ZZEF1: variants seen among roughly 807,000 people sequenced by gnomAD.
The protein encoded by ZZEF1 is zinc finger ZZ-type and EF-hand domain containing 1.
ZZEF1 carries 157 observed loss-of-function variants against 342.8 expected under a neutral mutation model. The observed-to-expected ratio is 0.46, with a 90% CI of 0.40 to 0.52. The LOEUF is 0.52. Ranked by LOEUF, ZZEF1 falls within the 20% of genes least tolerant of loss-of-function variation. The probability of loss-of-function intolerance (pLI) is 0.00; values close to 1 mark genes in which losing one functional copy is unlikely to be tolerated. For missense variants in ZZEF1, 3,480 were observed against 3,725.6 expected, an observed-to-expected ratio of 0.93 and a Z score of 1.72; for synonymous variants, 1,505 against 1,429.1, an observed-to-expected ratio of 1.05 and a Z score of -1.20.
In ZZEF1 at chr17:4,014,659, A is replaced by G. The variant is rs2056054399; in HGVS notation, c.8146-144T>C. The G allele has an allele frequency of 3.5e-6, 3 of 860,128 alleles. No individual in the cohort carries two copies. The highest frequency in any genetic ancestry group is 4.4e-5 in the Admixed American group (2 of 45,958). The allele number at this position is 860,128 out of a possible 1,614,324, so 53.3% of individuals were successfully genotyped here. The stretch of plus-strand genomic sequence containing the variant: ...CCTGGCCTCCAGGAGTGCAGAGTCC[A>G]GCTAGGGCGAGGAGCATGCACAGAC... On this transcript the variant is annotated intron_variant, in intron 49 of 54. Transcript: ENST00000381638. This position sits in a 1 kb window ranked among gnomAD's most constrained non-coding sequence, Gnocchi z 4.4.
chr17:4,014,187 T>C lies in ZZEF1; in HGVS notation c.8316A>G (p.Gly2772=). Residue 2772 remains glycine, a splice_region_variant and synonymous_variant, in exon 51 of 55, where the codon GGA becomes GGG. Transcript: ENST00000381638. This position sits in a 1 kb window ranked among gnomAD's most constrained non-coding sequence, Gnocchi z 4.4. ...AGGTGAAGCGGTAATACAGAGTGTC[T>C]CCTAGGCACACAAGGATCAGAGGCC... ...QQKWKDFELP[G]DTLYYRFTSD... 6.2e-7 allele frequency: 1 copy of C among 1,614,064 alleles called. No homozygotes were observed. The highest frequency in any genetic ancestry group is 8.5e-7 in the Non-Finnish European group (1 of 1,179,992).
intron 11 of ZZEF1, among the ~76,000 whole-genome samples, chr17:4,092,186 G>C (rs2057957606): frequency 6.6e-6 from 1 of 151,646 alleles, no homozygotes; most frequent in Non-Finnish European, 1.5e-5. Context: ...GTGATATATA[G>C]CCACCAAGCT....
chr17:4,102,260 C>T, intron 9 of ZZEF1, 57 bp downstream of exon 9: 2 of 1,488,434 alleles, frequency 1.3e-6, no homozygotes, highest in African/African-American at 2.8e-5. Context: ...AGTGTGCTTT[C>T]ACACAGCTGA....
At chr17:4,009,147 T>A in intron 53 of ZZEF1, 193 bp from the exon 54 acceptor site, 1 of 668,814 alleles carries the variant, frequency 1.5e-6, no homozygotes, top group Non-Finnish European at 2.5e-6. Flanking sequence ...CGGGGTCACC[T>A]TTGCCTCCAC....
At chr17:4,030,977 G>A (rs763012020) in intron 42 of ZZEF1, among the ~76,000 whole-genome samples, 1 of 152,242 alleles carries the variant, frequency 6.6e-6, no homozygotes, top group Middle Eastern at 3.4e-3. Context: ...TCGGGAGTTT[G>A]AGACCAGCCT....
At chr17:4,019,792 G>C (rs1211046468) in intron 45 of ZZEF1, 23 bp from the exon 46 acceptor site, 1 of 1,571,184 alleles carries the variant, frequency 6.4e-7, no homozygotes, top group African/African-American at 1.4e-5. Flanking sequence ...GGAGGACGCA[G>C]ACAAGAACCA....
rs1042625242 is a variant in ZZEF1 at position 4,071,021 on chromosome 17, C to G, written c.3835-97G>C. On this transcript the variant is annotated intron_variant, in intron 25 of 54. Transcript: ENST00000381638. Reference sequence around the variant, plus strand: ...TAGGCCAAAGCAGAAGTATAAAACACAGTGAACACTCTCCGGAAGTTTAAA... The same window carrying G: ...TAGGCCAAAGCAGAAGTATAAAACAGAGTGAACACTCTCCGGAAGTTTAAA... The G allele has an allele frequency of 2.2e-6, 3 of 1,381,148 alleles. No homozygotes were observed. The African/African-American group carries it at 4.3e-5, about 20-fold the overall frequency. The allele number at this position is 1,381,148 out of a possible 1,614,324, so 85.6% of individuals were successfully genotyped here.
intron 14 of ZZEF1, among the ~76,000 whole-genome samples, chr17:4,086,907 G>A (rs34377654): frequency 0.17 from 26,387 of 152,066 alleles, 2,365 homozygotes; most frequent in African/African-American, 0.2. Context: ...TGTTGAGACC[G>A]AGTCTCACTC....
At position 4,017,077 on chromosome 17, in the gene ZZEF1, G is replaced by A. The variant is rs1454458534; in HGVS notation, c.8001+294C>T. ...TGTGTGTGTGTGAAGGTGGGTGAGG[G>A]ACAGGATCAAAAAGGAGCTACCGAA... On this transcript the variant is annotated intron_variant, in intron 48 of 54. Transcript: ENST00000381638. This position sits in a 1 kb window ranked among gnomAD's most constrained non-coding sequence, Gnocchi z 5.1. The A allele has an allele frequency of 1.9e-5, 7 of 377,348 alleles. No homozygotes were observed. In the East Asian group the frequency reaches 2.1e-4, roughly 11 times the overall value. 23.4% of individuals were successfully genotyped at this position (377,348 alleles called of 1,614,324 possible).
Position 4,006,982 on chromosome 17 carries a change from A to C in ZZEF1, c.8806-12T>G, listed in dbSNP as rs1567753456. On this transcript the variant is annotated splice_polypyrimidine_tract_variant and intron_variant, in intron 54 of 54. Transcript: ENST00000381638. ...ATGTTCTGCAGAGCCTGTAGAGGGA[A>C]AAAGAGTTGTCGCCAATGTCGGGAG... The C allele has an allele frequency of 1.9e-6, 3 of 1,576,536 alleles. No individual in the cohort carries two copies. The highest frequency in any genetic ancestry group is 2.6e-6 in the Non-Finnish European group (3 of 1,159,722).
intron 3 of ZZEF1, among the ~76,000 whole-genome samples, 192 bp from the exon 4 acceptor site, chr17:4,114,662 T>C (rs1327238180): frequency 6.6e-6 from 1 of 152,206 alleles, no homozygotes; most frequent in Non-Finnish European, 1.5e-5. Flanking sequence ...ATGTGTCAAA[T>C]ATGCCTCCCT....
In ZZEF1 at chr17:4,022,697, C is replaced by T; in HGVS notation, c.7212+12G>A. The T allele has an allele frequency of 6.2e-7, 1 of 1,613,680 alleles. No individual in the cohort carries two copies. Among genetic ancestry groups the T allele is most frequent in the South Asian group, 1.1e-5 (1 of 91,064 alleles). On this transcript the variant is annotated intron_variant, in intron 44 of 54. Transcript: ENST00000381638. ...CCAGGAAAGAGGAGCAGGAGTCCCT[C>T]TCGTCTCTTACTTCCAGGTCCCGGA...
chr17:4,090,668 A>G lies in ZZEF1; in HGVS notation c.2025+51T>C. 4 of 1,481,990 alleles carry G rather than the reference A, an allele frequency of 2.7e-6. No individual in the cohort carries two copies. In the South Asian group the frequency reaches 4.5e-5, roughly 17 times the overall value. The allele number at this position is 1,481,990 out of a possible 1,614,324, so 91.8% of individuals were successfully genotyped here. On this transcript the variant is annotated intron_variant, in intron 12 of 54. Transcript: ENST00000381638. ...GGGCTGATACACAATCACTACTCAA[A>G]AAACACAGAATAAAAGGAGGGGAGT...
intron 25 of ZZEF1, among the ~76,000 whole-genome samples, chr17:4,071,758 G>C (rs1319810048): frequency 6.6e-6 from 1 of 152,128 alleles, no homozygotes; most frequent in African/African-American, 2.4e-5. Flanking sequence ...TGAGTTAAGG[G>C]GAGTCAGGAC....
chr17:4,016,368 T>C lies in ZZEF1; in HGVS notation c.8100A>G (p.Gln2700=), dbSNP rs763625661. 1 of 1,614,134 alleles carries C rather than the reference T, an allele frequency of 6.2e-7. No homozygotes were observed. Among genetic ancestry groups the C allele is most frequent in the Admixed American group, 1.7e-5 (1 of 60,024 alleles). ...TATACGGGTGTTTCGACTCCCTCAC[T>C]TGCACCTCCATTCCTGGCTCCTCCA... is the stretch of plus-strand genomic sequence containing the variant. ...QFMEEPGMEV[Q]VRESKHPYNN... Residue 2700 remains glutamine, a synonymous_variant, in exon 49 of 55, where the codon CAA becomes CAG. Coordinates refer to ENST00000381638, the MANE Select transcript of ZZEF1 (RefSeq NM_015113.4). This position sits in a 1 kb window ranked among gnomAD's most constrained non-coding sequence, Gnocchi z 4.4.
At chr17:4,082,587 AC>A (rs2057745060) in intron 16 of ZZEF1, 83 bp from the exon 17 acceptor site, 1 of 1,281,878 alleles carries the variant, frequency 7.8e-7, no homozygotes, top group East Asian at 2.5e-5. Flanking sequence ...AAACATCACC[AC>A]CCCACTGTTC....
chr17:4,120,992 C>T (rs571173137), intron 2 of ZZEF1, among the ~76,000 whole-genome samples: 7 of 152,264 alleles, frequency 4.6e-5, no homozygotes, highest in African/African-American at 1.7e-4. Context: ...ACTAAAAATT[C>T]CCACCACCAA....
intron 29 of ZZEF1, among the ~76,000 whole-genome samples, chr17:4,063,265 T>A (rs2057321716): frequency 6.6e-6 from 1 of 152,230 alleles, no homozygotes; most frequent in African/African-American, 2.4e-5. Flanking sequence ...TCCAGAGATG[T>A]AGGCCTATGA....
intron 13 of ZZEF1, among the ~76,000 whole-genome samples, chr17:4,088,407 C>A (rs79416085): frequency 0.013 from 2,012 of 152,224 alleles, 52 homozygotes; most frequent in African/African-American, 0.046. Flanking sequence ...CAGCCACGGC[C>A]AGGGCTCTTG....
Sources: gnomAD v4.1 joint callset for allele counts (sites outside exome capture counted in the v4.1 genomes callset) on GRCh38, gnomAD v4.1.1 for gene constraint, Gnocchi (gnomAD v3.1) non-coding constraint, MANE v1.5 for transcripts, NCBI Gene and HGNC (gene_info 2026-07-23, HGNC 2026-07-21) for gene names.